ALG12: variants seen among roughly 807,000 people sequenced by gnomAD.
The protein encoded by ALG12 is dol-P-Man:Man(7)GlcNAc(2)-PP-Dol alpha-1,6-mannosyltransferase.
A neutral mutation model predicts 46.0 loss-of-function variants in ALG12; 36 were observed. The ratio of observed to expected loss-of-function variants is 0.78; its 90% CI spans 0.60 to 1.03. The LOEUF is 1.03. ALG12 is among the 50% of genes least tolerant of loss of function. The pLI is 0.00. For missense variants in ALG12, 599 were observed against 633.5 expected (o/e 0.95, Z 0.58); for synonymous variants, 326 against 291.6 (o/e 1.12, Z -1.20).
the ALG12 span, among the ~76,000 whole-genome samples, chr22:49,866,875 C>A: frequency 1.3e-5 from 2 of 152,206 alleles, no homozygotes; most frequent in African/African-American, 2.4e-5. Flanking sequence ...GCTGGCGGCT[C>A]TTGAACGGTG....
chr22:49,875,954 T>A, the ALG12 span, among the ~76,000 whole-genome samples: 5 of 152,012 alleles, frequency 3.3e-5, no homozygotes, highest in East Asian at 7.7e-4. Context: ...CTTTTTTTTT[T>A]ATTTCATTGA....
chr22:49,896,706 G>A (rs1301140670), downstream of ALG12, among the ~76,000 whole-genome samples: 1 of 152,130 alleles, frequency 6.6e-6, no homozygotes, highest in African/African-American at 2.4e-5. Flanking sequence ...CGTGATCTCA[G>A]CTCACTGCAA....
the ALG12 span, among the ~76,000 whole-genome samples, chr22:49,873,278 C>G: frequency 1.3e-5 from 2 of 152,216 alleles, no homozygotes; most frequent in Admixed American, 6.5e-5. Flanking sequence ...TACTTCCTTT[C>G]ACTTGAACAT....
chr22:49,877,885 C>T, the ALG12 span, among the ~76,000 whole-genome samples: 1 of 152,130 alleles, frequency 6.6e-6, no homozygotes, highest in Non-Finnish European at 1.5e-5. Context: ...GAGATTCATC[C>T]GTGTTGCGTG....
the ALG12 span, among the ~76,000 whole-genome samples, chr22:49,875,568 G>A: frequency 2.9e-4 from 44 of 151,766 alleles, no homozygotes; most frequent in East Asian, 5.6e-3. Context: ...TTACAGGTGC[G>A]CACCACCACG....
the ALG12 span, chr22:49,884,970 G>A: frequency 1.2e-6 from 2 of 1,612,902 alleles, no homozygotes; most frequent in Non-Finnish European, 1.7e-6. Context: ...CTGATGGGCT[G>A]AGTCCTAGAT....
chr22:49,863,997 G>A, the ALG12 span, among the ~76,000 whole-genome samples: 1 of 152,180 alleles, frequency 6.6e-6, no homozygotes, highest in African/African-American at 2.4e-5. Flanking sequence ...GATATGTTCT[G>A]TGCTCATCTT....
At chr22:49,871,765 T>A in the ALG12 span, among the ~76,000 whole-genome samples, 35 of 147,158 alleles carry the variant, frequency 2.4e-4, no homozygotes, top group African/African-American at 8.1e-4. Context: ...TTATTTTTTT[T>A]TTTTTTTGAG....
At chr22:49,894,271 C>A in the ALG12 span, among the ~76,000 whole-genome samples, 1 of 152,116 alleles carries the variant, frequency 6.6e-6, no homozygotes, top group Non-Finnish European at 1.5e-5. Flanking sequence ...TTTCACTAAT[C>A]CCAAAGAAGG....
At chr22:49,877,956 T>A in the ALG12 span, among the ~76,000 whole-genome samples, 1 of 152,222 alleles carries the variant, frequency 6.6e-6, no homozygotes, top group Non-Finnish European at 1.5e-5. Flanking sequence ...TATCACAATT[T>A]GTCTTCTAGT....
the ALG12 span, chr22:49,885,688 G>C: frequency 6.2e-7 from 1 of 1,611,328 alleles, no homozygotes; most frequent in Non-Finnish European, 8.5e-7. Context: ...ATATTCTTTT[G>C]TAGACAACGT....
chr22:49,917,162 C>T (rs559804025), intron 1 of ALG12, among the ~76,000 whole-genome samples: 2 of 152,388 alleles, frequency 1.3e-5, no homozygotes, highest in Admixed American at 1.3e-4. Flanking sequence ...GGTGAACGGA[C>T]ACTGTCCTGC....
chr22:49,869,785 A>C, the ALG12 span, among the ~76,000 whole-genome samples: 1 of 152,158 alleles, frequency 6.6e-6, no homozygotes, highest in Non-Finnish European at 1.5e-5. Flanking sequence ...TCCTCCACTC[A>C]CTTTTTAAAA....
At chr22:49,885,214 G>A in the ALG12 span, 22 of 1,613,360 alleles carry the variant, frequency 1.4e-5, no homozygotes, top group East Asian at 4.7e-4. Flanking sequence ...CTTCCTGGGT[G>A]CAAGTCTGGC....
chr22:49,878,301 C>CAAA, the ALG12 span, among the ~76,000 whole-genome samples: 68,933 of 106,594 alleles, frequency 0.65, 23,674 homozygotes, highest in East Asian at 0.82. Context: ...GACACTGTCT[C>CAAA]AAAAAAAAAA....
Position 49,901,443 on chromosome 22 carries a change from G to A in ALG12, c.*2395C>T, listed in dbSNP as rs893994317. The A allele has an allele frequency of 1.3e-5, 2 of 150,696 alleles. No individual in the cohort carries two copies. Among genetic ancestry groups the A allele is most frequent in the East Asian group, 3.9e-4 (2 of 5,190 alleles). 9.3% of individuals were successfully genotyped at this position (150,696 alleles called of 1,614,324 possible). ...GCACAGGAAGAAATCATGTCTTTAT[G>A]CACACGTGTGTGCATGTGTGGTATG... On this transcript the variant is annotated 3_prime_UTR_variant, in exon 10 of 10. Transcript: ENST00000330817.
chr22:49,909,200 G>T, intron 6 of ALG12, 44 bp downstream of exon 6: 1 of 1,586,314 alleles, frequency 6.3e-7, no homozygotes, highest in Non-Finnish European at 8.7e-7. Flanking sequence ...AGATGTGGCT[G>T]CAGGTCCCAC....
the ALG12 span, chr22:49,888,661 G>C: frequency 6.0e-6 from 1 of 167,294 alleles, no homozygotes; most frequent in Non-Finnish European, 1.5e-5. Flanking sequence ...GTGCCAGAAT[G>C]CAGGAGCCGG....
At chr22:49,913,972 C>T (rs1343159457) in intron 1 of ALG12, 129 bp from the exon 2 acceptor site, 22 of 631,460 alleles carry the variant, frequency 3.5e-5, no homozygotes, top group South Asian at 5.7e-5. Flanking sequence ...AATCTGAAAA[C>T]GCATCAAGAT....
Sources: allele counts gnomAD v4.1 joint callset (sites outside exome capture counted in the v4.1 genomes callset), GRCh38; gene constraint gnomAD v4.1.1; transcripts MANE v1.5; gene names NCBI Gene and HGNC (gene_info 2026-07-23, HGNC 2026-07-21).